CREB3L2: variants seen among roughly 807,000 people sequenced by gnomAD.
CREB3L2 encodes cyclic AMP-responsive element-binding protein 3-like protein 2.
A neutral mutation model predicts 57.2 loss-of-function variants in CREB3L2; 23 were observed. That is an observed-to-expected ratio of 0.40 (90% CI 0.29 to 0.57). The LOEUF is 0.57. Among genes scored for constraint, CREB3L2 ranks in the 20% least tolerant of loss-of-function variants. The pLI is 0.42. For missense variants in CREB3L2, 628 were observed against 634.7 expected (o/e 0.99, Z 0.11); for synonymous variants, 268 against 265.1 (o/e 1.01, Z -0.11).
At chr7:137,887,442 C>T (rs1466969098) in intron 8 of CREB3L2, among the ~76,000 whole-genome samples, 3 of 152,198 alleles carry the variant, frequency 2.0e-5, no homozygotes, top group Admixed American at 1.3e-4. Context: ...GGCGCGGTGG[C>T]TCACGCCTGT....
In CREB3L2 at chr7:137,878,732, G is replaced by A. The variant is rs988538950; in HGVS notation, c.*1744C>T. ...AACCGTCTCCAGCATAGCAGAGAGA[G>A]GGGAATCACTCACAGGGAGCCCCAA... On this transcript the variant is annotated 3_prime_UTR_variant, in exon 12 of 12. Coordinates refer to ENST00000330387, the MANE Select transcript of CREB3L2 (RefSeq NM_194071.4). 1.7e-5 allele frequency: 4 copies of A among 234,910 alleles called. No individual in the cohort carries two copies. The highest frequency in any genetic ancestry group is 6.6e-5 in the African/African-American group (3 of 45,346). The allele number at this position is 234,910 out of a possible 1,614,324, so 14.6% of individuals were successfully genotyped here.
intron 3 of CREB3L2, among the ~76,000 whole-genome samples, chr7:137,913,839 C>G (rs751818728): frequency 6.6e-5 from 10 of 152,002 alleles, no homozygotes; most frequent in Admixed American, 1.3e-4. Context: ...AGTTGTAGAG[C>G]GTAACTGTGC....
chr7:138,000,702 T>C (rs550651452), intron 1 of CREB3L2, among the ~76,000 whole-genome samples: 1 of 144,636 alleles, frequency 6.9e-6, no homozygotes, highest in East Asian at 2.4e-4. Flanking sequence ...CCCACCCCCA[T>C]TACAAACGTC....
intron 1 of CREB3L2, among the ~76,000 whole-genome samples, chr7:137,937,303 A>C (rs575165911): frequency 1.3e-5 from 2 of 152,182 alleles, no homozygotes; most frequent in Non-Finnish European, 2.9e-5. Flanking sequence ...GCTCAAATTC[A>C]CATTAGAAAC....
At chr7:137,885,259 GCCTCAC>G in intron 9 of CREB3L2, 138 bp from the exon 10 acceptor site, 2 of 1,179,342 alleles carry the variant, frequency 1.7e-6, no homozygotes, top group Middle Eastern at 2.9e-4. Flanking sequence ...TCACCAGAGT[GCCTCAC>G]CGAGGAACAG....
At chr7:137,883,332 T>G (rs1799339402) in intron 10 of CREB3L2, among the ~76,000 whole-genome samples, 1 of 152,154 alleles carries the variant, frequency 6.6e-6, no homozygotes, top group South Asian at 2.1e-4. Context: ...ATGGCAAAAT[T>G]TTCCCTATCC....
chr7:137,880,603 C>T lies in CREB3L2; in HGVS notation c.1488-52G>A. 4.3e-6 allele frequency: 6 copies of T among 1,403,638 alleles called. No individual in the cohort carries two copies. Among genetic ancestry groups the T allele is most frequent in the Non-Finnish European group, 6.1e-6 (6 of 990,750 alleles). The allele number at this position is 1,403,638 out of a possible 1,614,324, so 86.9% of individuals were successfully genotyped here. On this transcript the variant is annotated intron_variant, in intron 11 of 11. Transcript: ENST00000330387. The surrounding 1 kb of genome is among the most constrained non-coding windows in gnomAD (Gnocchi z 4.0). ...AGTATTAGTCACCAGCTGTTAGCTA[C>T]AATTCTCATGCTTTGTAGCGTGATG...
In CREB3L2 at chr7:137,992,412, G is replaced by C. The variant is rs921440799; in HGVS notation, c.102+9192C>G. Among the ~76,000 whole-genome samples, 7 of 152,144 alleles carry C rather than the reference G, an allele frequency of 4.6e-5. No homozygotes were observed. The East Asian group carries it at 1.4e-3, about 29-fold the overall frequency. On this transcript the variant is annotated intron_variant, in intron 1 of 11. Coordinates refer to ENST00000330387, the MANE Select transcript of CREB3L2 (RefSeq NM_194071.4). ...TGGGTTTACACTGCAAGAGAGCTGA[G>C]TCACTCAACATGCCCTGAGATAAAT...
chr7:137,879,608 C>T lies in CREB3L2; in HGVS notation c.*868G>A, dbSNP rs371553639. 19 of 247,910 alleles carry T rather than the reference C, an allele frequency of 7.7e-5. 1 individual carries two copies. The highest frequency in any genetic ancestry group is 6.6e-4 in the South Asian group (5 of 7,534). The allele number at this position is 247,910 out of a possible 1,614,324, so 15.4% of individuals were successfully genotyped here. On this transcript the variant is annotated 3_prime_UTR_variant, in exon 12 of 12. Transcript: ENST00000330387. ...CAAAGGAAAGGAAACAAAACATTGT[C>T]TGGAAAGACACGGGATCCCAGAGCC...
intron 1 of CREB3L2, among the ~76,000 whole-genome samples, chr7:137,951,780 G>C (rs1410224045): frequency 1.3e-5 from 2 of 152,130 alleles, no homozygotes; most frequent in South Asian, 4.1e-4. Context: ...CCAGGAGTTC[G>C]AGACGAGACC....
At position 137,879,021 on chromosome 7, in the gene CREB3L2, T is replaced by C. The variant is rs1418075563; in HGVS notation, c.*1455A>G. On this transcript the variant is annotated 3_prime_UTR_variant, in exon 12 of 12. Transcript: ENST00000330387. ...GCTAATAAAAATAAAATACAAACTC[T>C]ATGCACATTTCCTACACAAAATCTT... The C allele has an allele frequency of 9.2e-6, 4 of 434,044 alleles. No individual in the cohort carries two copies. In the East Asian group the frequency reaches 1.2e-4, roughly 13 times the overall value. The allele number at this position is 434,044 out of a possible 1,614,324, so 26.9% of individuals were successfully genotyped here.
chr7:137,948,243 G>A (rs1040357554), intron 1 of CREB3L2, among the ~76,000 whole-genome samples: 5 of 152,232 alleles, frequency 3.3e-5, no homozygotes, highest in Non-Finnish European at 7.3e-5. Context: ...CATAGATGCT[G>A]TCTTGCAGCT....
At chr7:137,986,930 C>T (rs1215172353) in intron 1 of CREB3L2, among the ~76,000 whole-genome samples, 7 of 152,198 alleles carry the variant, frequency 4.6e-5, no homozygotes, top group East Asian at 3.9e-4. Context: ...CATGATGCCT[C>T]GAGCCCAAGG....
rs115439084 is a variant in CREB3L2, at chr7:137,921,526, C to T, written c.320-5514G>A. On this transcript the variant is annotated intron_variant, in intron 2 of 11. Transcript: ENST00000330387. ...ACTGAAAAAGACATGAACTCAAAGC[C>T]AAGGTAATAGCAACATCAAAATGCA... Among the ~76,000 whole-genome samples, 750 of 152,176 alleles carry T rather than the reference C, an allele frequency of 4.9e-3. 4 individuals are homozygous for T. The highest frequency in any genetic ancestry group is 0.017 in the African/African-American group (702 of 41,530).
chr7:137,977,241 AGCAATAAACCCT>A (rs1801624398), intron 1 of CREB3L2, among the ~76,000 whole-genome samples: 1 of 152,218 alleles, frequency 6.6e-6, no homozygotes, highest in Non-Finnish European at 1.5e-5. Context: ...AAGTGGGATT[AGCAATAAACCCT>A]GCCTAGATTT....
intron 1 of CREB3L2, among the ~76,000 whole-genome samples, chr7:137,946,343 C>A (rs903722472): frequency 6.7e-6 from 1 of 150,026 alleles, no homozygotes; most frequent in African/African-American, 2.5e-5. Context: ...AAGGTGATCC[C>A]TTTAAAAGAA....
intron 1 of CREB3L2, among the ~76,000 whole-genome samples, chr7:137,953,974 C>T (rs1256397494): frequency 6.6e-6 from 1 of 152,200 alleles, no homozygotes; most frequent in East Asian, 1.9e-4. Flanking sequence ...GAATAAACAG[C>T]ACTCTCCTGA....
chr7:137,916,821 C>A (rs919207037), intron 2 of CREB3L2, among the ~76,000 whole-genome samples: 1 of 151,480 alleles, frequency 6.6e-6, no homozygotes, highest in African/African-American at 2.4e-5. Context: ...ACAGCGAGAG[C>A]GACAGAGAGA....
At chr7:137,969,806 C>CAACATACACATAT (rs1563269081) in intron 1 of CREB3L2, among the ~76,000 whole-genome samples, 7 of 133,706 alleles carry the variant, frequency 5.2e-5, no homozygotes, top group Non-Finnish European at 1.5e-5. Flanking sequence ...CATACACATA[C>CAACATACACATAT]GCAGAAAGAC....
Sources: gnomAD v4.1 joint callset for allele counts (sites outside exome capture counted in the v4.1 genomes callset) on GRCh38, gnomAD v4.1.1 for gene constraint, Gnocchi (gnomAD v3.1) non-coding constraint, MANE v1.5 for transcripts, NCBI Gene and HGNC (gene_info 2026-07-23, HGNC 2026-07-21) for gene names.